HLCS: variants seen among roughly 807,000 people sequenced by gnomAD.
HLCS encodes holocarboxylase synthetase.
Under a neutral mutation model 75.0 loss-of-function variants are expected in HLCS, and 53 were observed. The observed-to-expected ratio is 0.71, with a 90% CI of 0.57 to 0.89. The LOEUF (loss-of-function observed/expected upper bound fraction) is 0.89. Among genes scored for constraint, HLCS ranks in the 40% least tolerant of loss-of-function variants. The pLI is 0.00. For missense variants in HLCS, 966 were observed against 1,074.0 expected (o/e 0.90, Z 1.41); for synonymous variants, 431 against 428.6 (o/e 1.01, Z -0.07).
intron 6 of HLCS, among the ~76,000 whole-genome samples, chr21:36,838,759 C>G (rs543983845): frequency 6.6e-6 from 1 of 150,978 alleles, no homozygotes; most frequent in East Asian, 1.9e-4. Flanking sequence ...CACACACACA[C>G]AGAGGAGTTC....
At chr21:36,890,589 G>A (rs368327782) in intron 6 of HLCS, among the ~76,000 whole-genome samples, 2 of 152,194 alleles carry the variant, frequency 1.3e-5, no homozygotes, top group South Asian at 4.2e-4. Context: ...ACAAGGTGAA[G>A]GCGGTGGGGG....
At chr21:36,985,963 TGTAATTCATAC>T (rs1230244488) in intron 1 of HLCS, among the ~76,000 whole-genome samples, 2 of 152,322 alleles carry the variant, frequency 1.3e-5, no homozygotes, top group Admixed American at 1.3e-4. Flanking sequence ...TGTATATGTT[TGTAATTCATAC>T]GTAATCTGTG....
chr21:36,767,761 G>C (rs2090091478), intron 6 of HLCS, among the ~76,000 whole-genome samples: 1 of 152,114 alleles, frequency 6.6e-6, no homozygotes, highest in Admixed American at 6.5e-5. Flanking sequence ...AACCAATATG[G>C]TGGCAATAAA....
intron 6 of HLCS, among the ~76,000 whole-genome samples, chr21:36,881,595 T>G (rs11088368): frequency 0.18 from 27,948 of 152,204 alleles, 2,735 homozygotes; most frequent in Middle Eastern, 0.29. Flanking sequence ...AGAGAACTTG[T>G]AACAGATCAT....
chr21:36,890,162 C>T (rs974244365), intron 6 of HLCS, among the ~76,000 whole-genome samples: 1 of 152,170 alleles, frequency 6.6e-6, no homozygotes, highest in Non-Finnish European at 1.5e-5. Flanking sequence ...TGAGGCCTCC[C>T]CAGCCGTGCT....
At chr21:36,858,744 G>A (rs988789055) in intron 6 of HLCS, among the ~76,000 whole-genome samples, 1 of 152,220 alleles carries the variant, frequency 6.6e-6, no homozygotes, top group Non-Finnish European at 1.5e-5. Flanking sequence ...GGACCTCTGG[G>A]CATCTGCAGG....
At chr21:36,859,626 G>A (rs1322200229) in intron 6 of HLCS, among the ~76,000 whole-genome samples, 2 of 152,226 alleles carry the variant, frequency 1.3e-5, no homozygotes, top group Admixed American at 6.5e-5. Context: ...ACCCACAGCT[G>A]GAGTGGCCTT....
intron 6 of HLCS, among the ~76,000 whole-genome samples, chr21:36,871,586 T>C (rs1018212062): frequency 1.3e-5 from 2 of 152,092 alleles, no homozygotes; most frequent in Admixed American, 1.3e-4. Context: ...TATTATACCA[T>C]AGCACTTGAA....
chr21:36,827,064 T>C (rs1436389135), intron 6 of HLCS, among the ~76,000 whole-genome samples: 1 of 151,960 alleles, frequency 6.6e-6, no homozygotes. Context: ...CACAGGATAA[T>C]GGCATGCTTA....
intron 5 of HLCS, among the ~76,000 whole-genome samples, chr21:36,903,869 T>C (rs138128534): frequency 6.6e-6 from 1 of 152,260 alleles, no homozygotes; most frequent in African/African-American, 2.4e-5. Context: ...GTGGGGCCTT[T>C]GGGAAGAAAT....
intron 8 of HLCS, among the ~76,000 whole-genome samples, chr21:36,763,063 C>T (rs554146325): frequency 1.3e-5 from 2 of 152,330 alleles, no homozygotes; most frequent in African/African-American, 4.8e-5. Flanking sequence ...CTCACTCTGT[C>T]GTCCAGGCTG....
At chr21:36,890,662 A>G (rs2064743896) in intron 6 of HLCS, among the ~76,000 whole-genome samples, 1 of 152,196 alleles carries the variant, frequency 6.6e-6, no homozygotes, top group Non-Finnish European at 1.5e-5. Context: ...TCTCTACACC[A>G]GTACCATGGT....
chr21:36,978,317 G>T (rs2069000226), intron 1 of HLCS, among the ~76,000 whole-genome samples: 1 of 151,890 alleles, frequency 6.6e-6, no homozygotes, highest in Non-Finnish European at 1.5e-5. Context: ...CCAACATGGT[G>T]AAACCCCATC....
intron 5 of HLCS, among the ~76,000 whole-genome samples, chr21:36,898,555 C>T (rs183263622): frequency 4.0e-4 from 60 of 151,330 alleles, no homozygotes; most frequent in Admixed American, 6.6e-4. Context: ...GTCAATGTCA[C>T]GGTGGAGATG....
intron 6 of HLCS, among the ~76,000 whole-genome samples, chr21:36,884,422 T>C (rs1318547639): frequency 1.3e-5 from 2 of 152,246 alleles, no homozygotes; most frequent in Non-Finnish European, 2.9e-5. Flanking sequence ...CCATGCAGCC[T>C]TGCCCAGTGG....
intron 5 of HLCS, among the ~76,000 whole-genome samples, chr21:36,899,367 T>C (rs553358719): frequency 6.6e-6 from 1 of 152,264 alleles, no homozygotes; most frequent in African/African-American, 2.4e-5. Flanking sequence ...TTCACGCCTG[T>C]AATCCCAACA....
intron 2 of HLCS, among the ~76,000 whole-genome samples, chr21:36,957,294 C>T (rs997868283): frequency 1.3e-5 from 2 of 152,146 alleles, no homozygotes; most frequent in African/African-American, 4.8e-5. Flanking sequence ...CTCAGTCTCA[C>T]TCTCATTCTT....
chr21:36,756,353 A>C (rs2089584178), intron 10 of HLCS, among the ~76,000 whole-genome samples, 189 bp downstream of exon 10: 1 of 148,398 alleles, frequency 6.7e-6, no homozygotes, highest in South Asian at 2.2e-4. Flanking sequence ...CGAGAGACTG[A>C]GGCAGGAGAA....
At chr21:36,919,663 C>T (rs1346110260) in intron 5 of HLCS, among the ~76,000 whole-genome samples, 1 of 152,192 alleles carries the variant, frequency 6.6e-6, no homozygotes, top group African/African-American at 2.4e-5. Flanking sequence ...TTTGAAAACA[C>T]AATTTCTTTG....
Sources: allele counts gnomAD v4.1 joint callset (sites outside exome capture counted in the v4.1 genomes callset), GRCh38; gene constraint gnomAD v4.1.1; transcripts MANE v1.5; gene names NCBI Gene and HGNC (gene_info 2026-07-23, HGNC 2026-07-21).